CUX1: variants seen among roughly 807,000 people sequenced by gnomAD.
CUX1 encodes protein CASP.
Under a neutral mutation model 158.8 loss-of-function variants are expected in CUX1, and 31 were observed. The observed-to-expected ratio is 0.20, with a 90% CI of 0.15 to 0.26. The LOEUF is 0.26. Ranked by LOEUF, CUX1 falls within the 10% of genes least tolerant of loss-of-function variation. The pLI, the probability that CUX1 is intolerant of heterozygous loss-of-function variation, is 1.00. For missense variants in CUX1, 1,589 were observed against 2,014.6 expected (o/e 0.79, Z 4.04); for synonymous variants, 879 against 862.1 (o/e 1.02, Z -0.34).
At chr7:102,001,070 T>C (rs551236710) in intron 2 of CUX1, among the ~76,000 whole-genome samples, 11 of 152,260 alleles carry the variant, frequency 7.2e-5, no homozygotes, top group African/African-American at 2.4e-4. Context: ...TGAGTCACCA[T>C]GCCTGGCCAT....
chr7:102,232,947 C>T (rs1376967692), intron 21 of CUX1, among the ~76,000 whole-genome samples: 1 of 152,182 alleles, frequency 6.6e-6, no homozygotes, highest in Non-Finnish European at 1.5e-5. Flanking sequence ...AGCTCCCTCT[C>T]CTCTGTCCTG....
chr7:101,835,662 G>T (rs1489476785), intron 1 of CUX1, among the ~76,000 whole-genome samples: 4 of 152,154 alleles, frequency 2.6e-5, no homozygotes, highest in African/African-American at 9.7e-5. Flanking sequence ...ACATTGTGGA[G>T]AATGGGGTAT....
chr7:101,816,845 C>T, upstream of CUX1: 11 of 922,040 alleles, frequency 1.2e-5, no homozygotes, highest in Non-Finnish European at 1.3e-5. Flanking sequence ...CGGCCGGCCC[C>T]GGCCGCCGCC....
intron 4 of CUX1, among the ~76,000 whole-genome samples, chr7:102,083,506 G>A (rs1041648687): frequency 1.4e-5 from 2 of 146,730 alleles, no homozygotes; most frequent in Non-Finnish European, 3.1e-5. Flanking sequence ...AGGTCTAGCT[G>A]TGTTGCCCAG....
chr7:102,256,707 T>C lies in CUX1; in HGVS notation c.*7665T>C, dbSNP rs1789926964. 1 of 985,398 alleles carries C rather than the reference T, an allele frequency of 1.0e-6. No homozygotes were observed. Among genetic ancestry groups the C allele is most frequent in the Non-Finnish European group, 1.2e-6 (1 of 829,942 alleles). The allele number at this position is 985,398 out of a possible 1,614,324, so 61.0% of individuals were successfully genotyped here. ...GAATCTTAGCAAAGCCAAGTTCAGTTCCCCAAAGCCTCCTAGAGCCTCTGG... is the reference window on the plus strand; with the variant it reads ...GAATCTTAGCAAAGCCAAGTTCAGTCCCCCAAAGCCTCCTAGAGCCTCTGG... On this transcript the variant is annotated 3_prime_UTR_variant, in exon 24 of 24. Transcript: ENST00000292535.
At chr7:102,144,596 G>GGGA (rs1175725499) in intron 8 of CUX1, among the ~76,000 whole-genome samples, 1 of 150,640 alleles carries the variant, frequency 6.6e-6, no homozygotes, top group African/African-American at 2.4e-5. Flanking sequence ...GCTTGAGCCC[G>GGGA]GGAGGTTGAG....
chr7:102,280,646 C>T (rs1791992016), intron 19 of CUX1, among the ~76,000 whole-genome samples: 1 of 152,072 alleles, frequency 6.6e-6, no homozygotes, highest in Non-Finnish European at 1.5e-5. Flanking sequence ...GTAGACTGTG[C>T]ACCCAGGGAA....
chr7:101,820,897 T>TA (rs1186286800), intron 1 of CUX1, among the ~76,000 whole-genome samples: 4 of 152,194 alleles, frequency 2.6e-5, no homozygotes, highest in Non-Finnish European at 5.9e-5. Flanking sequence ...ACTTTTCACT[T>TA]ATAGCCATTC....
chr7:101,973,386 G>GC (rs1424177449), intron 2 of CUX1, among the ~76,000 whole-genome samples: 1 of 152,210 alleles, frequency 6.6e-6, no homozygotes, highest in Admixed American at 6.5e-5. Context: ...TTCCACCACT[G>GC]CCCCCCAGCC....
At chr7:102,147,314 T>A (rs1384131732) in intron 8 of CUX1, among the ~76,000 whole-genome samples, 1 of 152,078 alleles carries the variant, frequency 6.6e-6, no homozygotes, top group East Asian at 1.9e-4. Flanking sequence ...AAAAACACTC[T>A]CTCCTCCCCT....
At chr7:102,097,569 G>T (rs1829332642) in intron 5 of CUX1, 68 bp downstream of exon 5, 3 of 1,482,504 alleles carry the variant, frequency 2.0e-6, no homozygotes, top group Non-Finnish European at 2.7e-6. Context: ...ATTTTAATTG[G>T]CTTTTCCCAT....
intron 1 of CUX1, among the ~76,000 whole-genome samples, chr7:101,861,695 G>A (rs1797475280): frequency 6.6e-6 from 1 of 152,102 alleles, no homozygotes; most frequent in African/African-American, 2.4e-5. Flanking sequence ...TGAGATTTCT[G>A]CATGCCCAGG....
At chr7:102,282,864 C>T (rs1792199320) in intron 22 of CUX1, 1 of 1,060,754 alleles carries the variant, frequency 9.4e-7, no homozygotes, top group Non-Finnish European at 1.4e-6. Context: ...CTCATGTCCC[C>T]CACTCCTTAG....
chr7:102,201,024 C>CAAAAAAAAAAAAAAAAAAA lies in CUX1; in HGVS notation c.2063-336_2063-335insAAAAAAAAAAAAAAAAAAA, dbSNP rs1795369830. Reference sequence around the variant, plus strand: ...CCTGGACAACAGCGAGATCCTGTCGCTAAAAAAAAAAAAAAAAAAAAAAAA... The same window carrying CAAAAAAAAAAAAAAAAAAA: ...CCTGGACAACAGCGAGATCCTGTCGCAAAAAAAAAAAAAAAAAAATAAAAAAAAAAAAAAAAAAAAAAAA... On this transcript the variant is annotated intron_variant, in intron 17 of 23. Transcript: ENST00000292535. This position sits in a 1 kb window ranked among gnomAD's most constrained non-coding sequence, Gnocchi z 5.0. 2.3e-5 allele frequency among the ~76,000 whole-genome samples: 1 copy of CAAAAAAAAAAAAAAAAAAA among 42,814 alleles called. No homozygotes were observed. Among genetic ancestry groups the CAAAAAAAAAAAAAAAAAAA allele is most frequent in the African/African-American group, 9.4e-5 (1 of 10,654 alleles). The allele number at this position is 42,814 out of a possible 152,430, so 28.1% of individuals were successfully genotyped here.
At chr7:101,914,804 A>G (rs1372172786) in intron 1 of CUX1, among the ~76,000 whole-genome samples, 1 of 152,066 alleles carries the variant, frequency 6.6e-6, no homozygotes, top group Non-Finnish European at 1.5e-5. Flanking sequence ...CGGCCTGTCC[A>G]TGATTTGTAA....
At chr7:102,177,011 G>A (rs1180121439) in intron 10 of CUX1, among the ~76,000 whole-genome samples, 2 of 150,828 alleles carry the variant, frequency 1.3e-5, no homozygotes, top group Non-Finnish European at 2.9e-5. Context: ...TGAGCATTTA[G>A]TGAGGTTAAG....
chr7:102,149,112 C>T (rs926168187), intron 8 of CUX1, among the ~76,000 whole-genome samples: 14 of 152,172 alleles, frequency 9.2e-5, no homozygotes, highest in East Asian at 5.8e-4. Flanking sequence ...CAGGATGCCT[C>T]GCAACCCCGA....
At chr7:102,227,695 T>C in intron 21 of CUX1, 26 bp downstream of exon 21, 1 of 1,589,800 alleles carries the variant, frequency 6.3e-7, no homozygotes, top group Non-Finnish European at 8.6e-7. Flanking sequence ...GGCTGCTGAG[T>C]CAGGAGGTGG....
At chr7:102,238,065 T>G (rs1013128331) in intron 22 of CUX1, among the ~76,000 whole-genome samples, 1 of 152,170 alleles carries the variant, frequency 6.6e-6, no homozygotes, top group African/African-American at 2.4e-5. Flanking sequence ...GAAGGCAGAC[T>G]AGGAGCGTGA....
Sources: allele counts gnomAD v4.1 joint callset (sites outside exome capture counted in the v4.1 genomes callset), GRCh38; gene constraint gnomAD v4.1.1; non-coding constraint Gnocchi (gnomAD v3.1); transcripts MANE v1.5; gene names NCBI Gene and HGNC (gene_info 2026-07-23, HGNC 2026-07-21).